EPB41L5: variants seen among roughly 807,000 people sequenced by gnomAD.
EPB41L5 encodes the protein band 4.1-like protein 5.
Under a neutral mutation model 106.6 loss-of-function variants are expected in EPB41L5, and 55 were observed. The ratio of observed to expected loss-of-function variants is 0.52; its 90% confidence interval spans 0.42 to 0.65. The LOEUF (loss-of-function observed/expected upper bound fraction) is 0.65, where lower values mean the gene tolerates loss of function less well. Ranked by LOEUF, EPB41L5 falls within the 30% of genes least tolerant of loss-of-function variation. EPB41L5 has a pLI of 0.00. For synonymous variants in EPB41L5, 297 were observed against 306.7 expected (o/e 0.97, Z 0.33); for missense variants, 871 against 882.1 (o/e 0.99, Z 0.16).
At chr2:120,163,269 C>A (rs1470738790) in intron 21 of EPB41L5, among the ~76,000 whole-genome samples, 2 of 140,884 alleles carry the variant, frequency 1.4e-5, no homozygotes, top group Non-Finnish European at 3.2e-5. Context: ...CCCCCCCCCC[C>A]CCCAAAAAAA....
In EPB41L5 at chr2:120,132,176, A is replaced by G. The variant is rs915791944; in HGVS notation, c.1599+461A>G. ...GTTGTAGGGTGGGGGATACATACCAATTACACCAATCAAGCTTCAATTTAT... is the reference window on the plus strand; with the variant it reads ...GTTGTAGGGTGGGGGATACATACCAGTTACACCAATCAAGCTTCAATTTAT... On this transcript the variant is annotated intron_variant, in intron 18 of 24. Coordinates refer to ENST00000263713, the MANE Select transcript of EPB41L5 (RefSeq NM_020909.4). Among the ~76,000 whole-genome samples the G allele has an allele frequency of 3.9e-5, 6 of 152,318 alleles. No individual in the cohort carries two copies. In the South Asian group the frequency reaches 6.2e-4, roughly 16 times the overall value.
intron 17 of EPB41L5, among the ~76,000 whole-genome samples, chr2:120,131,199 T>C (rs768398627): frequency 1.3e-5 from 2 of 152,224 alleles, no homozygotes; most frequent in African/African-American, 2.4e-5. Flanking sequence ...CACATAAATT[T>C]AGTTTTAGGC....
At chr2:120,047,433 G>A (rs1056809841) in intron 3 of EPB41L5, among the ~76,000 whole-genome samples, 1 of 151,742 alleles carries the variant, frequency 6.6e-6, no homozygotes, top group Non-Finnish European at 1.5e-5. Flanking sequence ...ATTGTGAACG[G>A]GAGTTCACTC....
chr2:120,048,564 C>T (rs572347373), intron 3 of EPB41L5, among the ~76,000 whole-genome samples: 165 of 151,716 alleles, frequency 1.1e-3, no homozygotes, highest in African/African-American at 3.4e-3. Context: ...GTCTTGCTAG[C>T]GGTCTGTCAA....
At chr2:120,107,119 G>A (rs529736817) in intron 16 of EPB41L5, among the ~76,000 whole-genome samples, 8 of 151,752 alleles carry the variant, frequency 5.3e-5, no homozygotes, top group African/African-American at 1.7e-4. Context: ...AAGGTACATC[G>A]CCAGGTTGGA....
intron 3 of EPB41L5, among the ~76,000 whole-genome samples, chr2:120,071,137 A>C (rs980993397): frequency 1.3e-5 from 2 of 152,344 alleles, no homozygotes; most frequent in African/African-American, 2.4e-5. Flanking sequence ...AACTTCAGCA[A>C]AGTCTCAGGA....
At chr2:120,145,585 A>G (rs1038551386) in intron 19 of EPB41L5, among the ~76,000 whole-genome samples, 2 of 152,160 alleles carry the variant, frequency 1.3e-5, no homozygotes, top group Non-Finnish European at 2.9e-5. Context: ...GAAATGTTAC[A>G]TGATGTTGGC....
intron 16 of EPB41L5, among the ~76,000 whole-genome samples, chr2:120,119,348 CTTTAG>C (rs1685101552): frequency 6.6e-6 from 1 of 151,832 alleles, no homozygotes; most frequent in South Asian, 2.1e-4. Context: ...TACAGAAGCT[CTTTAG>C]TTTAATTAGA....
At chr2:120,097,099 ATTAAT>A (rs1558871916) in intron 14 of EPB41L5, among the ~76,000 whole-genome samples, 1 of 152,200 alleles carries the variant, frequency 6.6e-6, no homozygotes, top group African/African-American at 2.4e-5. Flanking sequence ...TGGAATTATG[ATTAAT>A]TTAACTTTAA....
At chr2:120,063,509 A>G (rs1383666284) in intron 3 of EPB41L5, among the ~76,000 whole-genome samples, 1 of 152,146 alleles carries the variant, frequency 6.6e-6, no homozygotes, top group Non-Finnish European at 1.5e-5. Flanking sequence ...TAACTCGTGA[A>G]AAAACTACCA....
intron 3 of EPB41L5, among the ~76,000 whole-genome samples, chr2:120,064,318 C>G (rs1681295830): frequency 6.6e-6 from 1 of 152,202 alleles, no homozygotes; most frequent in Non-Finnish European, 1.5e-5. Flanking sequence ...TAACATTTCT[C>G]TACTATAAGC....
intron 17 of EPB41L5, 60 bp downstream of exon 17, chr2:120,127,911 A>G: frequency 7.2e-7 from 1 of 1,395,132 alleles, no homozygotes; most frequent in Non-Finnish European, 9.6e-7. Context: ...GAAATAAGAT[A>G]TTTAAATCAG....
intron 21 of EPB41L5, among the ~76,000 whole-genome samples, chr2:120,163,792 TA>T (rs1047695971): frequency 7.5e-5 from 11 of 145,956 alleles, no homozygotes; most frequent in Admixed American, 1.4e-4. Context: ...CCTGTCTCTA[TA>T]AAAAAAAAAT....
Position 120,087,186 on chromosome 2 carries a change from A to G in EPB41L5, c.819A>G (p.Arg273=). ...TATATTATAGGCCGAAGATAACCAGATTGGATTTTAAGAAGAATAAATTAA... is the reference window on the plus strand; with the variant it reads ...TATATTATAGGCCGAAGATAACCAGGTTGGATTTTAAGAAGAATAAATTAA... The part of the protein sequence containing the change: ...IGLFFWPKIT[R]LDFKKNKLTL... Residue 273 remains arginine, a synonymous_variant, in exon 11 of 25, where the codon AGA becomes AGG. Transcript: ENST00000263713. 2 of 1,586,298 alleles carry G rather than the reference A, an allele frequency of 1.3e-6. No homozygotes were observed. The highest frequency in any genetic ancestry group is 1.7e-6 in the Non-Finnish European group (2 of 1,156,428).
chr2:120,113,971 G>A (rs1477266059), intron 16 of EPB41L5, among the ~76,000 whole-genome samples: 3 of 152,170 alleles, frequency 2.0e-5, no homozygotes, highest in African/African-American at 4.8e-5. Flanking sequence ...TGTAGGTTTT[G>A]TATGAACATG....
At chr2:120,049,526 C>G (rs913938976) in intron 3 of EPB41L5, among the ~76,000 whole-genome samples, 2 of 152,036 alleles carry the variant, frequency 1.3e-5, no homozygotes, top group Admixed American at 1.3e-4. Context: ...GTAGATCTTC[C>G]TCCATCCCTT....
chr2:120,031,386 G>A (rs1395219136), intron 2 of EPB41L5, among the ~76,000 whole-genome samples: 1 of 152,310 alleles, frequency 6.6e-6, no homozygotes, highest in Non-Finnish European at 1.5e-5. Flanking sequence ...TTGCAAAGAG[G>A]AGGTGAAGTG....
At chr2:120,096,613 G>C (rs952539506) in intron 14 of EPB41L5, among the ~76,000 whole-genome samples, 3 of 151,984 alleles carry the variant, frequency 2.0e-5, no homozygotes, top group African/African-American at 7.2e-5. Flanking sequence ...AACGTGGCAA[G>C]ACCCCATCTC....
Position 120,122,364 on chromosome 2 carries a change from G to A in EPB41L5, c.1338-5324G>A, listed in dbSNP as rs564065808. On this transcript the variant is annotated intron_variant, in intron 16 of 24. Transcript: ENST00000263713. ...AATTAATTTTTGTATAAGGTGTAAG[G>A]AAGGGGTCCAGTTTCAGCTTTCTAC... Among the ~76,000 whole-genome samples, 38 of 152,300 alleles carry A rather than the reference G, an allele frequency of 2.5e-4. No individual in the cohort carries two copies. In the East Asian group the frequency reaches 6.8e-3, roughly 27 times the overall value.
Sources: gnomAD v4.1 joint callset for allele counts (sites outside exome capture counted in the v4.1 genomes callset) on GRCh38, gnomAD v4.1.1 for gene constraint, MANE v1.5 for transcripts, NCBI Gene and HGNC (gene_info 2026-07-23, HGNC 2026-07-21) for gene names.